TASP1: variants seen among roughly 807,000 people sequenced by gnomAD.
TASP1 encodes threonine aspartase 1.
TASP1 carries 16 observed loss-of-function variants against 56.6 expected under a neutral mutation model. The ratio of observed to expected loss-of-function variants is 0.28; its 90% CI spans 0.19 to 0.43. The LOEUF is 0.43. Ranked by LOEUF, TASP1 falls within the 20% of genes least tolerant of loss-of-function variation. TASP1 has a pLI of 1.00. For missense variants in TASP1, 393 were observed against 511.6 expected (o/e 0.77, Z 2.24); for synonymous variants, 179 against 184.2 (o/e 0.97, Z 0.23).
At chr20:13,115,055 T>C in the TASP1 span, among the ~76,000 whole-genome samples, 3 of 152,232 alleles carry the variant, frequency 2.0e-5, no homozygotes, top group Admixed American at 2.0e-4. Context: ...TTTTCTTCTA[T>C]TGAAGTCAAA....
At chr20:13,467,147 C>A (rs73899303) in intron 11 of TASP1, among the ~76,000 whole-genome samples, 4,940 of 150,530 alleles carry the variant, frequency 0.033, 265 homozygotes, top group African/African-American at 0.11. Flanking sequence ...CATTTGAGTT[C>A]TTTCATAGAT....
At chr20:13,623,693 T>C (rs1336816893) in intron 3 of TASP1, among the ~76,000 whole-genome samples, 179 bp from the exon 4 acceptor site, 1 of 152,226 alleles carries the variant, frequency 6.6e-6, no homozygotes, top group Admixed American at 6.5e-5. Flanking sequence ...TTCAGGTTAA[T>C]TGGTAATATG....
the TASP1 span, among the ~76,000 whole-genome samples, chr20:13,274,993 C>G: frequency 1.3e-5 from 2 of 152,146 alleles, no homozygotes; most frequent in African/African-American, 2.4e-5. Context: ...ACAAGTTAGA[C>G]TTTGGTATCC....
intron 10 of TASP1, among the ~76,000 whole-genome samples, chr20:13,492,518 A>C (rs2043571105): frequency 6.6e-6 from 1 of 152,198 alleles, no homozygotes; most frequent in East Asian, 1.9e-4. Flanking sequence ...GATAGGACAC[A>C]CATGATTTCA....
chr20:13,169,619 C>T, the TASP1 span, among the ~76,000 whole-genome samples: 27 of 152,304 alleles, frequency 1.8e-4, no homozygotes, highest in African/African-American at 6.3e-4. Context: ...GAGCTGACAA[C>T]AATGCCTGGG....
the TASP1 span, among the ~76,000 whole-genome samples, chr20:13,342,219 C>T: frequency 6.6e-6 from 1 of 152,170 alleles, no homozygotes; most frequent in East Asian, 1.9e-4. Flanking sequence ...AAGTCTTCTC[C>T]GCCCAAAAAG....
At chr20:13,320,161 C>T in the TASP1 span, among the ~76,000 whole-genome samples, 16 of 152,192 alleles carry the variant, frequency 1.1e-4, no homozygotes, top group African/African-American at 3.1e-4. Flanking sequence ...AATAACCCTG[C>T]TGAGGGGCTC....
chr20:13,632,364 C>CAAAAAAA (rs565886595), intron 1 of TASP1, among the ~76,000 whole-genome samples: 1 of 47,906 alleles, frequency 2.1e-5, no homozygotes, highest in Non-Finnish European at 4.3e-5. Flanking sequence ...GACTCCATCT[C>CAAAAAAA]AAAAAAAAAA....
the TASP1 span, among the ~76,000 whole-genome samples, chr20:13,308,462 A>T: frequency 6.6e-6 from 1 of 152,162 alleles, no homozygotes; most frequent in Non-Finnish European, 1.5e-5. Flanking sequence ...TATGAATTGA[A>T]CAGTACTTTG....
chr20:13,290,642 A>G, the TASP1 span, among the ~76,000 whole-genome samples: 1 of 152,304 alleles, frequency 6.6e-6, no homozygotes, highest in East Asian at 1.9e-4. Context: ...CGGGCGACAG[A>G]GCAAGACTCC....
intron 6 of TASP1, among the ~76,000 whole-genome samples, chr20:13,575,532 T>G (rs907153045): frequency 6.6e-6 from 1 of 152,234 alleles, no homozygotes; most frequent in Admixed American, 6.5e-5. Flanking sequence ...CTCCTTCACC[T>G]TTTGCCATGA....
At chr20:13,452,688 A>G (rs932898107) in intron 11 of TASP1, among the ~76,000 whole-genome samples, 5 of 152,008 alleles carry the variant, frequency 3.3e-5, no homozygotes, top group Non-Finnish European at 5.9e-5. Flanking sequence ...GAAGCTATTG[A>G]GCTATTGGAA....
At chr20:13,556,726 C>T (rs888408162) in intron 8 of TASP1, among the ~76,000 whole-genome samples, 4 of 152,254 alleles carry the variant, frequency 2.6e-5, no homozygotes, top group Non-Finnish European at 4.4e-5. Flanking sequence ...GCTCATTCTG[C>T]CTGGAACACT....
At chr20:13,222,896 C>T in the TASP1 span, among the ~76,000 whole-genome samples, 1 of 152,200 alleles carries the variant, frequency 6.6e-6, no homozygotes, top group Non-Finnish European at 1.5e-5. Context: ...GGCGCGGTGG[C>T]TCACGCCTGT....
the TASP1 span, among the ~76,000 whole-genome samples, chr20:13,139,954 T>A: frequency 6.6e-6 from 1 of 152,350 alleles, no homozygotes; most frequent in East Asian, 1.9e-4. Flanking sequence ...TTCTAGTTTC[T>A]TTTTCACAGA....
chr20:13,162,826 A>T, the TASP1 span, among the ~76,000 whole-genome samples: 2 of 152,138 alleles, frequency 1.3e-5, no homozygotes, highest in Non-Finnish European at 2.9e-5. Flanking sequence ...CATCTCAGGC[A>T]CAAGCTCAAA....
the TASP1 span, among the ~76,000 whole-genome samples, chr20:13,379,667 C>T: frequency 1.9e-3 from 285 of 152,154 alleles, 1 homozygote; most frequent in African/African-American, 6.4e-3. Flanking sequence ...TCCTGAAGAG[C>T]GTTTTCCAAC....
chr20:13,411,275 G>C (rs1469767129), intron 13 of TASP1, among the ~76,000 whole-genome samples: 1 of 152,064 alleles, frequency 6.6e-6, no homozygotes, highest in East Asian at 1.9e-4. Flanking sequence ...TGTTCTTTTT[G>C]CCAAGGATTG....
the TASP1 span, among the ~76,000 whole-genome samples, chr20:13,207,275 C>A: frequency 6.6e-6 from 1 of 152,152 alleles, no homozygotes. Flanking sequence ...GGCAGAAGCA[C>A]AAGAAATATA....
Sources: gnomAD v4.1 joint callset for allele counts (sites outside exome capture counted in the v4.1 genomes callset) on GRCh38, gnomAD v4.1.1 for gene constraint, MANE v1.5 for transcripts, NCBI Gene and HGNC (gene_info 2026-07-23, HGNC 2026-07-21) for gene names.